CFAP58: variants seen among roughly 807,000 people sequenced by gnomAD.
CFAP58 encodes cilia and flagella associated protein 58, also known as cilia- and flagella-associated protein 58.
A neutral mutation model predicts 119.5 loss-of-function variants in CFAP58; 88 were observed. The ratio of observed to expected loss-of-function variants is 0.74; its 90% CI spans 0.62 to 0.88. The LOEUF (loss-of-function observed/expected upper bound fraction) is 0.88. Ranked by LOEUF, CFAP58 falls within the 40% of genes least tolerant of loss-of-function variation. CFAP58 has a pLI of 0.00. For missense variants in CFAP58, 990 were observed against 1,021.2 expected, an observed-to-expected ratio of 0.97 and a Z score of 0.42; for synonymous variants, 365 against 366.3, an observed-to-expected ratio of 1.00 and a Z score of 0.04.
chr10:104,390,327 C>G (rs1207341665), intron 9 of CFAP58, among the ~76,000 whole-genome samples: 3 of 152,072 alleles, frequency 2.0e-5, no homozygotes, highest in South Asian at 4.1e-4. Context: ...ATGATTTCTA[C>G]AAGGTATTAT....
chr10:104,359,323 C>A (rs2135247098), intron 2 of CFAP58, among the ~76,000 whole-genome samples: 1 of 152,300 alleles, frequency 6.6e-6, no homozygotes, highest in Middle Eastern at 3.4e-3. Flanking sequence ...CAATTAGATA[C>A]CATCCAGTTC....
chr10:104,343,986 T>A, the CFAP58 span, among the ~76,000 whole-genome samples: 1 of 152,218 alleles, frequency 6.6e-6, no homozygotes. Context: ...CAAGTGATCC[T>A]CCTTCCTCGG....
intron 9 of CFAP58, among the ~76,000 whole-genome samples, chr10:104,381,213 T>C (rs1304273182): frequency 2.0e-5 from 3 of 151,992 alleles, no homozygotes; most frequent in Non-Finnish European, 4.4e-5. Context: ...AATCCAAACA[T>C]TGGGGAGCTG....
intron 1 of CFAP58, among the ~76,000 whole-genome samples, chr10:104,358,109 A>G (rs2014617627): frequency 6.6e-6 from 1 of 150,620 alleles, no homozygotes; most frequent in South Asian, 2.1e-4. Context: ...GTACATATAT[A>G]CACATATATA....
At chr10:104,436,227 A>G (rs945067928) in intron 15 of CFAP58, among the ~76,000 whole-genome samples, 1 of 152,124 alleles carries the variant, frequency 6.6e-6, no homozygotes, top group African/African-American at 2.4e-5. Context: ...GTTCTGTTTT[A>G]TATATGTTTT....
intron 9 of CFAP58, among the ~76,000 whole-genome samples, chr10:104,384,885 A>T (rs938105468): frequency 6.6e-6 from 1 of 152,174 alleles, no homozygotes; most frequent in Non-Finnish European, 1.5e-5. Flanking sequence ...TAGGGAGTAG[A>T]TAGGGAAGAA....
intron 11 of CFAP58, among the ~76,000 whole-genome samples, chr10:104,395,907 T>C (rs1357554689): frequency 6.6e-6 from 1 of 152,194 alleles, no homozygotes; most frequent in Non-Finnish European, 1.5e-5. Context: ...CAAACGACTG[T>C]CTTTAGTAGG....
chr10:104,414,079 G>A (rs1440920501), intron 15 of CFAP58, among the ~76,000 whole-genome samples: 1 of 152,124 alleles, frequency 6.6e-6, no homozygotes, highest in Non-Finnish European at 1.5e-5. Flanking sequence ...GGAGTGGTGG[G>A]GATTGCAGCA....
Position 104,373,853 on chromosome 10 carries a change from T to C in CFAP58, c.1090+2799T>C, listed in dbSNP as rs189503075. 1.4e-4 allele frequency among the ~76,000 whole-genome samples: 21 copies of C among 152,250 alleles called. No homozygotes were observed. In the East Asian group the frequency reaches 3.9e-3, roughly 28 times the overall value. ...AAGCTTCAATAATCAAATTGTATAGTGATGATGTCCAGATAAACAGATCAA... is the reference window on the plus strand; with the variant it reads ...AAGCTTCAATAATCAAATTGTATAGCGATGATGTCCAGATAAACAGATCAA... On this transcript the variant is annotated intron_variant, in intron 7 of 17. Coordinates refer to ENST00000369704, the MANE Select transcript of CFAP58 (RefSeq NM_001008723.2).
At chr10:104,343,697 A>G in the CFAP58 span, among the ~76,000 whole-genome samples, 1 of 152,172 alleles carries the variant, frequency 6.6e-6, no homozygotes, top group Non-Finnish European at 1.5e-5. Context: ...TTTGAAAAAA[A>G]TGCAGGCCAC....
At chr10:104,372,723 T>C (rs2014840861) in intron 7 of CFAP58, among the ~76,000 whole-genome samples, 1 of 152,272 alleles carries the variant, frequency 6.6e-6, no homozygotes, top group South Asian at 2.1e-4. Context: ...TTTCTGTTTT[T>C]GCTTGCAATA....
intron 9 of CFAP58, among the ~76,000 whole-genome samples, chr10:104,388,348 G>A (rs1005546063): frequency 5.3e-5 from 8 of 152,048 alleles, no homozygotes; most frequent in Admixed American, 2.6e-4. Flanking sequence ...ATATGCTGGC[G>A]TAGACATATA....
chr10:104,366,087 A>G, intron 5 of CFAP58, 79 bp downstream of exon 5: 1 of 1,284,442 alleles, frequency 7.8e-7, no homozygotes, highest in Non-Finnish European at 1.0e-6. Context: ...GTGCATTTTG[A>G]ATTCTCTTGG....
rs1235238156 is a variant in CFAP58, at chr10:104,354,213, GAGTGATACCATAA to G, written c.9+308_9+320del. On this transcript the variant is annotated intron_variant, in intron 1 of 17. Coordinates refer to ENST00000369704, the MANE Select transcript of CFAP58 (RefSeq NM_001008723.2). The stretch of plus-strand genomic sequence containing the variant: ...ACCCAGCCCTAGATTTTTAGTCATG[GAGTGATACCATAA>G]GAGAGGCTCACACAGAAATATTGGA... 3.3e-5 allele frequency among the ~76,000 whole-genome samples: 5 copies of G among 152,254 alleles called. No homozygotes were observed. The East Asian group carries it at 9.7e-4, about 29-fold the overall frequency.
At chr10:104,358,187 C>T (rs970357941) in intron 1 of CFAP58, among the ~76,000 whole-genome samples, 154 bp from the exon 2 acceptor site, 1 of 148,056 alleles carries the variant, frequency 6.8e-6, no homozygotes, top group East Asian at 1.9e-4. Flanking sequence ...GAACAAGGAC[C>T]TTTCCTGTCA....
intron 15 of CFAP58, among the ~76,000 whole-genome samples, chr10:104,426,430 C>T (rs549134046): frequency 8.2e-4 from 125 of 151,910 alleles, no homozygotes; most frequent in African/African-American, 2.9e-3. Context: ...CACCTCCTTC[C>T]CCCCGCCGCC....
At chr10:104,438,275 C>A (rs1459384888) in intron 15 of CFAP58, among the ~76,000 whole-genome samples, 1 of 151,506 alleles carries the variant, frequency 6.6e-6, no homozygotes, top group Admixed American at 6.6e-5. Flanking sequence ...CTTAGGAATG[C>A]CTAACAACAC....
At chr10:104,374,723 T>G (rs2014867701) in intron 7 of CFAP58, among the ~76,000 whole-genome samples, 1 of 151,904 alleles carries the variant, frequency 6.6e-6, no homozygotes, top group Admixed American at 6.6e-5. Flanking sequence ...TGCTATTAAT[T>G]TTCTAGAGAG....
At chr10:104,382,370 G>A in intron 9 of CFAP58, 1 of 536,384 alleles carries the variant, frequency 1.9e-6, no homozygotes. Context: ...ATCTGTTGCA[G>A]CCTCCAGTTT....
Sources: allele counts gnomAD v4.1 joint callset (sites outside exome capture counted in the v4.1 genomes callset), GRCh38; gene constraint gnomAD v4.1.1; transcripts MANE v1.5; gene names NCBI Gene and HGNC (gene_info 2026-07-23, HGNC 2026-07-21).